KHDRBS1: variants seen among roughly 807,000 people sequenced by gnomAD.
The protein encoded by KHDRBS1 is KH RNA binding domain containing, signal transduction associated 1.
A neutral mutation model predicts 48.4 loss-of-function variants in KHDRBS1; 7 were observed. The observed-to-expected ratio is 0.14, with a 90% CI of 0.08 to 0.27. The LOEUF (loss-of-function observed/expected upper bound fraction) is 0.27, where lower values mean the gene tolerates loss of function less well. KHDRBS1 is among the 10% of genes least tolerant of loss of function. KHDRBS1 has a pLI of 1.00. For missense variants in KHDRBS1, 458 were observed against 601.2 expected (o/e 0.76, Z 2.49); for synonymous variants, 241 against 235.8 (o/e 1.02, Z -0.20).
chr1:32,050,760 T>C (rs1639409046), intron 10 of KHDRBS1, among the ~76,000 whole-genome samples: 1 of 152,002 alleles, frequency 6.6e-6, no homozygotes, highest in Non-Finnish European at 1.5e-5. Context: ...GCTCAGGCAG[T>C]CCACCCACCT....
At chr1:32,023,989 C>T (rs1039314838) in intron 1 of KHDRBS1, among the ~76,000 whole-genome samples, 4 of 152,350 alleles carry the variant, frequency 2.6e-5, no homozygotes, top group South Asian at 4.1e-4. Flanking sequence ...CGGTGGCTCA[C>T]GCCTGTAATT....
chr1:32,031,648 C>G lies in KHDRBS1; in HGVS notation c.624+8C>G. 1 of 1,567,650 alleles carries G rather than the reference C, an allele frequency of 6.4e-7. No individual in the cohort carries two copies. Among genetic ancestry groups the G allele is most frequent in the Non-Finnish European group, 8.7e-7 (1 of 1,145,426 alleles). ...ATGAGAGACAAAGCCAAGGTAAGCT[C>G]ACATTAGTGAGGCAAGAGGACATCC... is the stretch of plus-strand genomic sequence containing the variant. On this transcript the variant is annotated splice_region_variant and intron_variant, in intron 3 of 8. Coordinates refer to ENST00000327300, the MANE Select transcript of KHDRBS1 (RefSeq NM_006559.3).
At position 32,037,912 on chromosome 1, in the gene KHDRBS1, C is replaced by G; in HGVS notation, c.983C>G (p.Thr328Ser). Reference sequence around the variant, plus strand: ...AGGGGAGCCATCACCAGAGGTGCCACTGTGACTCGAGGCGTGCCACCCCCA... The same window carrying G: ...AGGGGAGCCATCACCAGAGGTGCCAGTGTGACTCGAGGCGTGCCACCCCCA... ...PVRGAITRGA[T>S]VTRGVPPPPT... Residue 328 changes from threonine to serine, a missense_variant, in exon 6 of 9, where the codon ACT becomes AGT. Coordinates refer to ENST00000327300, the MANE Select transcript of KHDRBS1 (RefSeq NM_006559.3). 1 of 1,614,254 alleles carries G rather than the reference C, an allele frequency of 6.2e-7. No homozygotes were observed. The highest frequency in any genetic ancestry group is 1.7e-5 in the Admixed American group (1 of 60,036).
In KHDRBS1 at chr1:32,059,019, T is replaced by C. The variant is rs192448023; in HGVS notation, n.1302-1144T>C. Reference sequence around the variant, plus strand: ...TAAAAATACAAAAATTAGCTGGGCATGGTGGTGCGTGCCTGTAATCCCGGC... The same window carrying C: ...TAAAAATACAAAAATTAGCTGGGCACGGTGGTGCGTGCCTGTAATCCCGGC... On this transcript the variant is annotated intron_variant and non_coding_transcript_variant, in intron 10 of 10. Transcript: ENST00000484270. 9.3e-3 allele frequency among the ~76,000 whole-genome samples: 1,405 copies of C among 151,830 alleles called. 10 individuals are homozygous for C. Among genetic ancestry groups the C allele is most frequent in the Non-Finnish European group, 0.014 (929 of 67,930 alleles).
chr1:32,025,801 GCA>G (rs1422267112), intron 1 of KHDRBS1, among the ~76,000 whole-genome samples: 1 of 135,180 alleles, frequency 7.4e-6, no homozygotes, highest in Non-Finnish European at 1.5e-5. Flanking sequence ...GAGTGCAGTT[GCA>G]CAGTCATCAT....
chr1:32,032,370 A>G (rs1639097740), intron 3 of KHDRBS1, among the ~76,000 whole-genome samples: 1 of 152,198 alleles, frequency 6.6e-6, no homozygotes, highest in African/African-American at 2.4e-5. Flanking sequence ...CTAGATGCAT[A>G]TAGTTACGGC....
intron 1 of KHDRBS1, among the ~76,000 whole-genome samples, chr1:32,016,198 A>G (rs373238771): frequency 4.0e-4 from 61 of 151,964 alleles, no homozygotes; most frequent in East Asian, 2.5e-3. Flanking sequence ...AAAAAAAAAA[A>G]AAAAGAAAAG....
intron 3 of KHDRBS1, 119 bp downstream of exon 3, chr1:32,031,759 T>C: frequency 3.4e-6 from 2 of 587,750 alleles, no homozygotes; most frequent in Non-Finnish European, 6.0e-6. Context: ...GTGGCTCCTT[T>C]AAGTTTGCAC....
At position 32,057,809 on chromosome 1, in the gene KHDRBS1, AAG is replaced by A. The variant is rs529167671; in HGVS notation, n.1302-2342_1302-2341del. On this transcript the variant is annotated intron_variant and non_coding_transcript_variant, in intron 10 of 10. Transcript: ENST00000484270. ...GCGAGACTCCATCTCAAAAAAAAAA[AAG>A]AGAGAGAGAGATGGGGTCTCAGGGG... Among the ~76,000 whole-genome samples, 962 of 146,532 alleles carry A rather than the reference AAG, an allele frequency of 6.6e-3. 16 individuals carry two copies. The highest frequency in any genetic ancestry group is 0.023 in the African/African-American group (909 of 39,398).
downstream of KHDRBS1, among the ~76,000 whole-genome samples, chr1:32,046,371 G>A (rs1415199917): frequency 4.0e-5 from 6 of 151,898 alleles, no homozygotes; most frequent in Non-Finnish European, 7.4e-5. Flanking sequence ...CTGCCACCAC[G>A]CCTGGCTAAT....
intron 8 of KHDRBS1, among the ~76,000 whole-genome samples, 165 bp from the exon 9 acceptor site, chr1:32,042,362 G>T (rs1360601954): frequency 1.3e-5 from 2 of 152,182 alleles, no homozygotes; most frequent in African/African-American, 4.8e-5. Flanking sequence ...TGCCCAGGCT[G>T]CCCAAGAGGG....
downstream of KHDRBS1, among the ~76,000 whole-genome samples, chr1:32,047,862 C>T (rs991861513): frequency 6.6e-6 from 1 of 152,122 alleles, no homozygotes; most frequent in African/African-American, 2.4e-5. Context: ...TCCCAACTCC[C>T]TTCTCTCCCC....
At chr1:32,041,877 C>T (rs1639288663) in intron 8 of KHDRBS1, among the ~76,000 whole-genome samples, 1 of 152,136 alleles carries the variant, frequency 6.6e-6, no homozygotes, top group Non-Finnish European at 1.5e-5. Context: ...CGTGAGCCAC[C>T]GCATGCAGCC....
intron 4 of KHDRBS1, among the ~76,000 whole-genome samples, chr1:32,034,176 A>G (rs1023811132): frequency 2.0e-5 from 3 of 152,234 alleles, no homozygotes; most frequent in African/African-American, 7.2e-5. Context: ...AGGAGGAGGT[A>G]AGATACAGTC....
chr1:32,037,423 G>GAT (rs1332024248), intron 5 of KHDRBS1, among the ~76,000 whole-genome samples: 1 of 150,056 alleles, frequency 6.7e-6, no homozygotes, highest in East Asian at 1.9e-4. Context: ...CAGCCTGGGA[G>GAT]ATAGAGCAAG....
chr1:32,015,248 G>A (rs1366628005), intron 1 of KHDRBS1, among the ~76,000 whole-genome samples: 2 of 152,140 alleles, frequency 1.3e-5, no homozygotes, highest in Non-Finnish European at 2.9e-5. Context: ...TTGTTCTGTA[G>A]GTTAGCGCTC....
intron 6 of KHDRBS1, 102 bp from the exon 7 acceptor site, chr1:32,038,450 C>A: frequency 8.8e-7 from 1 of 1,141,430 alleles, no homozygotes; most frequent in Non-Finnish European, 1.3e-6. Context: ...ATGTCATGTC[C>A]TTTTAATTCA....
In KHDRBS1 at chr1:32,038,600, T is replaced by C; in HGVS notation, c.1156T>C (p.Tyr386His). 2.5e-6 allele frequency: 4 copies of C among 1,614,078 alleles called. No homozygotes were observed. In the South Asian group the frequency reaches 3.3e-5, roughly 13 times the overall value. Reference sequence around the variant, plus strand: ...ACAAAGTTACGAAGGCTACGAAGGCTATTACAGCCAGAGTCAAGGGTGAGT... The same window carrying C: ...ACAAAGTTACGAAGGCTACGAAGGCCATTACAGCCAGAGTCAAGGGTGAGT... ...AEQSYEGYEG[Y>H]YSQSQGDSEY... Residue 386 changes from tyrosine to histidine, a missense_variant, in exon 7 of 9, where the codon TAT becomes CAT. Around this residue, in one of 3 missense-constraint regions of KHDRBS1, gnomAD observed 171 missense variants for 228.7 expected, o/e 0.75. Coordinates refer to ENST00000327300, the MANE Select transcript of KHDRBS1 (RefSeq NM_006559.3).
At chr1:32,035,051 G>C (rs1436611299) in intron 4 of KHDRBS1, among the ~76,000 whole-genome samples, 1 of 151,748 alleles carries the variant, frequency 6.6e-6, no homozygotes, top group Non-Finnish European at 1.5e-5. Flanking sequence ...AACACAGCTG[G>C]TTAATAATCT....
Sources: allele counts gnomAD v4.1 joint callset (sites outside exome capture counted in the v4.1 genomes callset), GRCh38; gene constraint gnomAD v4.1.1; regional missense constraint gnomAD v4.1.1; transcripts MANE v1.5; gene names NCBI Gene and HGNC (gene_info 2026-07-23, HGNC 2026-07-21).